The following MC2R variants were observed in gnomAD, a reference collection of about 807,000 sequenced individuals.
The protein encoded by MC2R is melanocortin 2 receptor.
A neutral mutation model predicts 9.8 loss-of-function variants in MC2R; 9 were observed. The ratio of observed to expected loss-of-function variants is 0.92; its 90% CI spans 0.55 to 1.60. The LOEUF is 1.60. MC2R is among the 40% of genes most tolerant of loss of function. The pLI, the probability that MC2R is intolerant of heterozygous loss-of-function variation, is 0.00. For synonymous variants in MC2R, 185 were observed against 154.7 expected (o/e 1.20, Z -1.45); for missense variants, 370 against 389.0 (o/e 0.95, Z 0.41).
Position 13,884,534 on chromosome 18 carries a change from G to A in MC2R, c.*91C>T, listed in dbSNP as rs1338737513. ...TGCATCCATTAGGGAAGGAAGGCCA[G>A]TGAGGAGCACTGGCATTTGTTGGAA... On this transcript the variant is annotated 3_prime_UTR_variant, in exon 2 of 2. Coordinates refer to ENST00000327606, the MANE Select transcript of MC2R (RefSeq NM_000529.2). The A allele has an allele frequency of 1.4e-6, 2 of 1,405,914 alleles. No individual in the cohort carries two copies. Among genetic ancestry groups the A allele is most frequent in the Non-Finnish European group, 2.0e-6 (2 of 1,004,670 alleles). The allele number at this position is 1,405,914 out of a possible 1,614,324, so 87.1% of individuals were successfully genotyped here.
Position 13,885,452 on chromosome 18 carries a change from G to A in MC2R, c.67C>T (p.Arg23Cys), listed in dbSNP as rs763312509. ...AATATCTCCTCCGGCAAAACCACACGAGGACAGTCGGAATTATTTCTTGCT... is the reference window on the plus strand; with the variant it reads ...AATATCTCCTCCGGCAAAACCACACAAGGACAGTCGGAATTATTTCTTGCT... ...NTARNNSDCP[R>C]VVLPEEIFFT... Residue 23 changes from arginine (R) to cysteine (C), a missense_variant, in exon 2 of 2, where the codon CGT becomes TGT. Coordinates refer to ENST00000327606, the MANE Select transcript of MC2R (RefSeq NM_000529.2). 5 of 1,613,950 alleles carry A rather than the reference G, an allele frequency of 3.1e-6. No homozygotes were observed. The highest frequency in any genetic ancestry group is 3.4e-6 in the Non-Finnish European group (4 of 1,180,020).
chr18:13,895,607 C>T (rs78521763), intron 1 of MC2R, among the ~76,000 whole-genome samples: 4,698 of 151,518 alleles, frequency 0.031, 194 homozygotes, highest in East Asian at 0.18. Context: ...TTCTGAATGT[C>T]GAAAAAGAAA....
chr18:13,894,260 TC>T (rs1349719732), intron 1 of MC2R, among the ~76,000 whole-genome samples: 1 of 152,170 alleles, frequency 6.6e-6, no homozygotes, highest in Non-Finnish European at 1.5e-5. Context: ...CTTTTCTATT[TC>T]TTCCCACAAC....
chr18:13,910,790 G>A (rs553187743), intron 1 of MC2R, among the ~76,000 whole-genome samples: 121 of 152,282 alleles, frequency 7.9e-4, no homozygotes, highest in Non-Finnish European at 1.5e-3. Flanking sequence ...AGGCAGCTTG[G>A]AATCTCTCAA....
chr18:13,912,935 TC>T (rs2045453460), intron 1 of MC2R, among the ~76,000 whole-genome samples: 1 of 151,852 alleles, frequency 6.6e-6, no homozygotes, highest in Admixed American at 6.6e-5. Context: ...TTATTCTTTT[TC>T]CCCATGCCGG....
intron 1 of MC2R, among the ~76,000 whole-genome samples, chr18:13,903,825 TA>T (rs547792130): frequency 2.6e-4 from 40 of 151,968 alleles, no homozygotes; most frequent in Non-Finnish European, 4.7e-4. Flanking sequence ...TTTTTTAAAA[TA>T]AAAAAATGCA....
intron 1 of MC2R, among the ~76,000 whole-genome samples, chr18:13,896,399 A>C (rs1226907692): frequency 6.6e-6 from 1 of 152,236 alleles, no homozygotes; most frequent in Non-Finnish European, 1.5e-5. Context: ...AGAGGTAACT[A>C]TTCTGTGCTT....
intron 1 of MC2R, among the ~76,000 whole-genome samples, chr18:13,901,574 C>T (rs1039295118): frequency 6.6e-6 from 1 of 151,568 alleles, no homozygotes; most frequent in Non-Finnish European, 1.5e-5. Context: ...AACTGATGCA[C>T]AAAAAATCAT....
In MC2R at chr18:13,911,242, C is replaced by T. The variant is rs371615384; in HGVS notation, c.-129+4246G>A. Among the ~76,000 whole-genome samples, 9 of 152,226 alleles carry T rather than the reference C, an allele frequency of 5.9e-5. No homozygotes were observed. The East Asian group carries it at 1.2e-3, about 20-fold the overall frequency. On this transcript the variant is annotated intron_variant, in intron 1 of 1. Coordinates refer to ENST00000327606, the MANE Select transcript of MC2R (RefSeq NM_000529.2). ...CAGGGGCCGGAGTGTCAGGGAGCAA[C>T]CCAGGCAGCCTGCAGCCTCTCCTGG...
intron 1 of MC2R, among the ~76,000 whole-genome samples, chr18:13,887,984 A>C (rs1312996342): frequency 6.6e-6 from 1 of 151,872 alleles, no homozygotes; most frequent in African/African-American, 2.4e-5. Flanking sequence ...AGGGGCCAAC[A>C]CCTGTGGCCA....
chr18:13,911,203 C>T (rs66960211), intron 1 of MC2R, among the ~76,000 whole-genome samples: 23,235 of 152,066 alleles, frequency 0.15, 2,378 homozygotes, highest in Middle Eastern at 0.28. Flanking sequence ...AGCTGAGGGC[C>T]GGGCAGCCGA....
At chr18:13,890,867 T>C (rs940457112) in intron 1 of MC2R, among the ~76,000 whole-genome samples, 2 of 138,154 alleles carry the variant, frequency 1.4e-5, no homozygotes, top group African/African-American at 5.5e-5. Context: ...TTAGGGTTTC[T>C]GGGAAGCAAT....
chr18:13,911,613 G>A (rs1480226451), intron 1 of MC2R, among the ~76,000 whole-genome samples: 3 of 152,100 alleles, frequency 2.0e-5, no homozygotes, highest in Admixed American at 6.6e-5. Flanking sequence ...AGACCCCAGG[G>A]CCACCATGAG....
rs73958661 is a variant in MC2R, at chr18:13,894,525, C to T, written c.-128-8879G>A. Among the ~76,000 whole-genome samples the T allele has an allele frequency of 6.4e-3, 969 of 152,256 alleles. 14 individuals carry two copies. Among genetic ancestry groups the T allele is most frequent in the African/African-American group, 0.022 (915 of 41,536 alleles). Reference sequence around the variant, plus strand: ...CTGTGGTCTGGATTCTATGCGATAACGTATGTAAATTACCAGCCCAGATCC... The same window carrying T: ...CTGTGGTCTGGATTCTATGCGATAATGTATGTAAATTACCAGCCCAGATCC... On this transcript the variant is annotated intron_variant, in intron 1 of 1. Transcript: ENST00000327606.
intron 1 of MC2R, among the ~76,000 whole-genome samples, chr18:13,888,551 C>T (rs1466497654): frequency 2.0e-5 from 3 of 152,198 alleles, no homozygotes; most frequent in African/African-American, 7.2e-5. Context: ...GCCTTGTGAC[C>T]ACCATGTCAC....
chr18:13,903,842 A>C (rs2045395103), intron 1 of MC2R, among the ~76,000 whole-genome samples: 2 of 152,172 alleles, frequency 1.3e-5, no homozygotes, highest in South Asian at 4.1e-4. Flanking sequence ...ATGCAGCCTT[A>C]AAGGAAAAAT....
At chr18:13,891,136 G>A (rs1014627457) in intron 1 of MC2R, among the ~76,000 whole-genome samples, 23 of 152,332 alleles carry the variant, frequency 1.5e-4, no homozygotes, top group African/African-American at 5.3e-4. Context: ...AGTGGCTCAC[G>A]TCCACGGCCA....
chr18:13,884,854 G>A lies in MC2R; in HGVS notation c.665C>T (p.Thr222Ile). Residue 222 changes from threonine to isoleucine, a missense_variant, in exon 2 of 2, where the codon ACC becomes ATC. Physicochemically the swap from Thr to Ile is moderately conservative, Grantham distance 89 (BLOSUM62 -1). Transcript: ENST00000327606. ...GAAGATGAAGACCCCGAGCAGGATGGTCAGTGTGATGGCCCCTTTCATGTT... is the reference window on the plus strand; with the variant it reads ...GAAGATGAAGACCCCGAGCAGGATGATCAGTGTGATGGCCCCTTTCATGTT... ...RANMKGAITL[T>I]ILLGVFIFCW... The A allele has an allele frequency of 1.2e-6, 2 of 1,614,086 alleles. No homozygotes were observed. The highest frequency in any genetic ancestry group is 1.1e-5 in the South Asian group (1 of 91,076).
chr18:13,884,656 T>C lies in MC2R; in HGVS notation c.863A>G (p.Lys288Arg), dbSNP rs563121078. Reference protein sequence around the residue: ...FRSPELRDAFKKMIFCSRYW With the variant: ...FRSPELRDAFRKMIFCSRYW Reference sequence around the variant, plus strand: ...GTACCTGCTGCAGAAGATCATCTTTTTGAATGCGTCCCTGAGCTCTGGGCT... The same window carrying C: ...GTACCTGCTGCAGAAGATCATCTTTCTGAATGCGTCCCTGAGCTCTGGGCT... The change falls in exon 2 of 2, where the codon AAA becomes AGA. Residue 288 changes from lysine to arginine, a missense_variant. Transcript: ENST00000327606. 6.2e-7 allele frequency: 1 copy of C among 1,613,554 alleles called. No individual in the cohort carries two copies. Among genetic ancestry groups the C allele is most frequent in the East Asian group, 2.2e-5 (1 of 44,876 alleles).
Sources: allele counts gnomAD v4.1 joint callset (sites outside exome capture counted in the v4.1 genomes callset), GRCh38; gene constraint gnomAD v4.1.1; transcripts MANE v1.5; gene names NCBI Gene and HGNC (gene_info 2026-07-23, HGNC 2026-07-21).